The following RANBP2 variants were observed in gnomAD, a reference collection of about 807,000 sequenced individuals.
RANBP2 encodes E3 SUMO-protein ligase RanBP2.
A neutral mutation model predicts 303.6 loss-of-function variants in RANBP2; 57 were observed. That is an observed-to-expected ratio of 0.19 (90% CI 0.15 to 0.23). The LOEUF (loss-of-function observed/expected upper bound fraction) is 0.23. RANBP2 is among the 10% of genes least tolerant of loss of function. The probability of loss-of-function intolerance (pLI) is 1.00; values close to 1 mark genes in which losing one functional copy is unlikely to be tolerated. For missense variants in RANBP2, 3,138 were observed against 3,780.8 expected (o/e 0.83, Z 4.46); for synonymous variants, 1,167 against 1,301.5 (o/e 0.90, Z 2.23).
the RANBP2 span, among the ~76,000 whole-genome samples, chr2:109,420,965 G>A: frequency 6.6e-6 from 1 of 152,144 alleles, no homozygotes; most frequent in Non-Finnish European, 1.5e-5. Context: ...TTTTTACCTA[G>A]CTTCCTGAGC....
At chr2:108,822,449 C>T in the RANBP2 span, among the ~76,000 whole-genome samples, 117 of 152,256 alleles carry the variant, frequency 7.7e-4, 1 homozygote, top group Middle Eastern at 3.4e-3. Context: ...TAAATTAACT[C>T]GATCTGTCAG....
the RANBP2 span, among the ~76,000 whole-genome samples, chr2:109,395,822 G>A: frequency 6.6e-6 from 1 of 152,190 alleles, no homozygotes; most frequent in Non-Finnish European, 1.5e-5. Context: ...ATTCAGATCA[G>A]GGCCCCATCT....
the RANBP2 span, among the ~76,000 whole-genome samples, chr2:109,085,266 T>C: frequency 0.21 from 31,702 of 152,154 alleles, 5,275 homozygotes; most frequent in East Asian, 0.64. Context: ...AGTTTTTGTA[T>C]TGTGGTAAAA....
the RANBP2 span, among the ~76,000 whole-genome samples, chr2:108,805,334 A>G: frequency 6.6e-6 from 1 of 152,140 alleles, no homozygotes; most frequent in Non-Finnish European, 1.5e-5. Context: ...ATTTTTGAGT[A>G]TCTATTATAT....
chr2:109,080,207 A>C, the RANBP2 span, among the ~76,000 whole-genome samples: 1 of 152,124 alleles, frequency 6.6e-6, no homozygotes, highest in Non-Finnish European at 1.5e-5. Flanking sequence ...GAGAAAGAGG[A>C]GCTGACAACC....
chr2:109,514,789 T>C, the RANBP2 span, among the ~76,000 whole-genome samples: 1 of 152,166 alleles, frequency 6.6e-6, no homozygotes, highest in African/African-American at 2.4e-5. Context: ...CTTGACTCCC[T>C]TGGGGGTTTG....
At chr2:109,211,401 A>T in the RANBP2 span, among the ~76,000 whole-genome samples, 7 of 152,246 alleles carry the variant, frequency 4.6e-5, no homozygotes, top group African/African-American at 1.7e-4. Context: ...AGGTGTTATA[A>T]ACAGCAGGGA....
At chr2:109,013,756 T>A in the RANBP2 span, among the ~76,000 whole-genome samples, 1 of 152,064 alleles carries the variant, frequency 6.6e-6, no homozygotes, top group African/African-American at 2.4e-5. Context: ...ATTTTTGTAT[T>A]TTTAGTAGAG....
the RANBP2 span, among the ~76,000 whole-genome samples, chr2:109,162,468 G>A: frequency 6.6e-6 from 1 of 152,000 alleles, no homozygotes; most frequent in Non-Finnish European, 1.5e-5. Context: ...CAACGTGCAG[G>A]CTTGTTACCT....
the RANBP2 span, among the ~76,000 whole-genome samples, chr2:109,636,871 T>C: frequency 6.6e-6 from 1 of 152,032 alleles, no homozygotes; most frequent in East Asian, 1.9e-4. Flanking sequence ...CACCTGTGGG[T>C]ATTTCTAGTC....
At chr2:109,372,172 G>A in the RANBP2 span, among the ~76,000 whole-genome samples, 6 of 152,358 alleles carry the variant, frequency 3.9e-5, no homozygotes, top group South Asian at 8.3e-4. Flanking sequence ...CTGCCTGAGA[G>A]GCACCACAGC....
intron 24 of RANBP2, among the ~76,000 whole-genome samples, chr2:108,776,651 T>C (rs1677912992): frequency 1.3e-5 from 2 of 152,200 alleles, no homozygotes; most frequent in Admixed American, 1.3e-4. Context: ...TCAGAGATCA[T>C]GCAGCTTCAC....
chr2:109,133,037 T>C, the RANBP2 span, among the ~76,000 whole-genome samples: 1 of 152,178 alleles, frequency 6.6e-6, no homozygotes, highest in South Asian at 2.1e-4. Flanking sequence ...GGCTAGGCAC[T>C]ATTATAGGTA....
chr2:109,379,928 C>CCGGT, the RANBP2 span, among the ~76,000 whole-genome samples: 2 of 152,168 alleles, frequency 1.3e-5, no homozygotes, highest in East Asian at 3.9e-4. Flanking sequence ...AATTCTTAGA[C>CCGGT]CTATCAGGGA....
At chr2:109,173,455 C>G in the RANBP2 span, among the ~76,000 whole-genome samples, 2 of 152,196 alleles carry the variant, frequency 1.3e-5, no homozygotes, top group African/African-American at 2.4e-5. Context: ...CATTGCCTCT[C>G]CAGTTGACTC....
the RANBP2 span, among the ~76,000 whole-genome samples, chr2:109,601,560 T>C: frequency 6.6e-6 from 1 of 152,220 alleles, no homozygotes; most frequent in Non-Finnish European, 1.5e-5. Context: ...GTTTTCCCAC[T>C]TGCCTATCAG....
At chr2:109,445,411 G>A in the RANBP2 span, among the ~76,000 whole-genome samples, 1 of 152,068 alleles carries the variant, frequency 6.6e-6, no homozygotes, top group Admixed American at 6.5e-5. Flanking sequence ...CAAAGGATAA[G>A]GAAAATACTA....
the RANBP2 span, among the ~76,000 whole-genome samples, chr2:109,361,411 T>C: frequency 6.6e-6 from 1 of 152,216 alleles, no homozygotes; most frequent in Non-Finnish European, 1.5e-5. Context: ...ATATGTTTGG[T>C]AGAATTCACT....
At chr2:109,614,984 G>A in the RANBP2 span, 3 of 1,540,438 alleles carry the variant, frequency 1.9e-6, no homozygotes, top group Admixed American at 5.9e-5. Flanking sequence ...AGCCCCTACC[G>A]CGGACTCCAG....
Sources: allele counts gnomAD v4.1 joint callset (sites outside exome capture counted in the v4.1 genomes callset), GRCh38; gene constraint gnomAD v4.1.1; transcripts MANE v1.5; gene names NCBI Gene and HGNC (gene_info 2026-07-23, HGNC 2026-07-21).